GCN1: variants seen among roughly 807,000 people sequenced by gnomAD.
GCN1 encodes the protein stalled ribosome sensor GCN1.
A neutral mutation model predicts 288.4 loss-of-function variants in GCN1; 90 were observed. That is an observed-to-expected ratio of 0.31 (90% CI 0.26 to 0.37). The LOEUF (loss-of-function observed/expected upper bound fraction) is 0.37. GCN1 is among the 10% of genes least tolerant of loss of function. The probability of loss-of-function intolerance (pLI) is 1.00; values close to 1 mark genes in which losing one functional copy is unlikely to be tolerated. For synonymous variants in GCN1, 1,386 were observed against 1,420.2 expected (o/e 0.98, Z 0.54); for missense variants, 2,586 against 3,419.9 (o/e 0.76, Z 6.08).
In GCN1 at chr12:120,156,917, A is replaced by G. The variant is rs753735705; in HGVS notation, c.3163T>C (p.Leu1055=). 2.0e-5 allele frequency: 32 copies of G among 1,607,220 alleles called. No individual in the cohort carries two copies. The highest frequency in any genetic ancestry group is 2.6e-5 in the Non-Finnish European group (30 of 1,173,928). The change falls in exon 27 of 58, where the codon TTA becomes CTA. Residue 1055 remains leucine (L), a synonymous_variant. Coordinates refer to ENST00000300648, the MANE Select transcript of GCN1 (RefSeq NM_006836.2). The surrounding 1 kb of genome is among the most constrained non-coding windows in gnomAD (Gnocchi z 5.8). ...CCAACTGAAAACCACATCACCTGTA[A>G]GCGAGGCGAGCCCGTCCCGATCACC... The part of the protein sequence containing the change: ...TWVIGTGSPR[L]QVLASDTLTT...
chr12:120,151,519 G>A (rs1594269399), intron 33 of GCN1, 128 bp from the exon 34 acceptor site: 9 of 890,688 alleles, frequency 1.0e-5, no homozygotes, highest in Non-Finnish European at 1.5e-5. Context: ...CACTGCCTGC[G>A]GATGTCACAG....
Position 120,137,857 on chromosome 12 carries a change from G to A in GCN1, c.6394-43C>T, listed in dbSNP as rs192176630. On this transcript the variant is annotated intron_variant, in intron 48 of 57. Transcript: ENST00000300648. This position sits in a 1 kb window ranked among gnomAD's most constrained non-coding sequence, Gnocchi z 5.2. ...CATGTGTGCTGAGCAGGGATCCTCC[G>A]GGCAGACGGGACATGAGAAAGCAGG... is the stretch of plus-strand genomic sequence containing the variant. The A allele has an allele frequency of 2.4e-5, 39 of 1,612,744 alleles. 1 individual carries two copies. The Middle Eastern group carries it at 5.0e-4, about 20-fold the overall frequency.
Position 120,137,182 on chromosome 12 carries a change from C to T in GCN1, c.6777+24G>A, listed in dbSNP as rs754011485. 1.6e-5 allele frequency: 25 copies of T among 1,538,752 alleles called. No homozygotes were observed. The East Asian group carries it at 4.7e-4, about 29-fold the overall frequency. On this transcript the variant is annotated intron_variant, in intron 50 of 57. Transcript: ENST00000300648. This position sits in a 1 kb window ranked among gnomAD's most constrained non-coding sequence, Gnocchi z 5.2. ...GCACAACAGACTGCACGCCCACAGC[C>T]CCCTGCACGAGGCCCTGGCTTACCT...
Position 120,138,764 on chromosome 12 carries a change from GA to G in GCN1, c.6086del (p.Phe2029SerfsTer21). 2 of 1,614,196 alleles carry G rather than the reference GA, an allele frequency of 1.2e-6. No homozygotes were observed. Among genetic ancestry groups the G allele is most frequent in the Non-Finnish European group, 1.7e-6 (2 of 1,179,982 alleles). On this transcript the variant is annotated frameshift_variant, in exon 46 of 58. Coordinates refer to ENST00000300648, the MANE Select transcript of GCN1 (RefSeq NM_006836.2). LOFTEE classifies it high-confidence loss of function. Reference protein sequence around the residue: ...EEVREAAAKTFEQLHSTIGHQ... With the variant: ...EEVREAAAKTXEQLHSTIGHQ... The stretch of plus-strand genomic sequence containing the variant: ...GGCCGATGGTGGAATGCAGCTGCTC[GA>G]AAGTCTTGGCTGCCGCCTCTCTGAC...
chr12:120,131,022 A>C (rs1876800521), intron 55 of GCN1, among the ~76,000 whole-genome samples, 163 bp downstream of exon 55: 1 of 152,200 alleles, frequency 6.6e-6, no homozygotes, highest in South Asian at 2.1e-4. Flanking sequence ...ACTGGGGCCC[A>C]AAGGGATCAA....
Position 120,170,295 on chromosome 12 carries a change from A to C in GCN1, c.1393T>G (p.Leu465Val), listed in dbSNP as rs777739752. The change falls in exon 15 of 58, where the codon TTA becomes GTA. Residue 465 changes from leucine (L) to valine (V), a missense_variant. Leu to Val is a conservative substitution (Grantham distance 32, BLOSUM62 1). Transcript: ENST00000300648. Reference sequence around the variant, plus strand: ...ACTGTCTGGATGAGCAAGGGCAGTAAGTCCAGGGCCTGCAACAGCGTGTCA... The same window carrying C: ...ACTGTCTGGATGAGCAAGGGCAGTACGTCCAGGGCCTGCAACAGCGTGTCA... ...RGDTLLQALD[L>V]LPLLIQTVEK... 3.1e-6 allele frequency: 5 copies of C among 1,614,182 alleles called. No individual in the cohort carries two copies. Among genetic ancestry groups the C allele is most frequent in the African/African-American group, 1.3e-5 (1 of 75,056 alleles).
chr12:120,146,585 AT>A (rs1877370611), intron 38 of GCN1, among the ~76,000 whole-genome samples: 1 of 136,854 alleles, frequency 7.3e-6, no homozygotes, highest in African/African-American at 3.2e-5. Flanking sequence ...TAACTTTTAT[AT>A]ATTTTTTTTG....
Position 120,183,575 on chromosome 12 carries a change from G to T in GCN1, c.420C>A (p.Asn140Lys). The change falls in exon 5 of 58, where the codon AAC (asparagine) becomes AAA (lysine). Residue 140 changes from asparagine (N) to lysine (K), a missense_variant. Transcript: ENST00000300648. ...AGAGACACAGGGAACCTACCAGTTT[G>T]TTCCAGATGTCTCCTTGTCGCTTGG... is the stretch of plus-strand genomic sequence containing the variant. ...SRAKRQGDIW[N>K]KLVEVQCLLL... 5 of 1,596,066 alleles carry T rather than the reference G, an allele frequency of 3.1e-6. No homozygotes were observed. The highest frequency in any genetic ancestry group is 4.3e-6 in the Non-Finnish European group (5 of 1,163,492).
At chr12:120,152,022 T>G (rs1877571394) in intron 33 of GCN1, among the ~76,000 whole-genome samples, 1 of 143,876 alleles carries the variant, frequency 7.0e-6, no homozygotes. Context: ...GGTAAAGTTT[T>G]TTGTTGTTTT....
chr12:120,128,821 G>A (rs1876706540), intron 57 of GCN1, among the ~76,000 whole-genome samples: 1 of 150,888 alleles, frequency 6.6e-6, no homozygotes, highest in South Asian at 2.1e-4. Flanking sequence ...TCAGGTACTG[G>A]GCCAGTCACC....
At position 120,153,687 on chromosome 12, in the gene GCN1, A is replaced by G; in HGVS notation, c.3867+57T>C. ...TAGCGCCTGCCTCCCGTGTCTCCTT[A>G]GCGGGCTGGGACCCCCTTACCTTCC... On this transcript the variant is annotated intron_variant, in intron 32 of 57. Coordinates refer to ENST00000300648, the MANE Select transcript of GCN1 (RefSeq NM_006836.2). The surrounding 1 kb of genome is among the most constrained non-coding windows in gnomAD (Gnocchi z 4.4). 6.5e-7 allele frequency: 1 copy of G among 1,530,816 alleles called. No individual in the cohort carries two copies. The highest frequency in any genetic ancestry group is 9.0e-7 in the Non-Finnish European group (1 of 1,112,652). 94.8% of individuals were successfully genotyped at this position (1,530,816 alleles called of 1,614,324 possible). A position where few individuals can be genotyped will look rare whatever the true frequency, so the allele number is the denominator to read the frequency against.
At chr12:120,194,092 T>G (rs1594294689) in intron 1 of GCN1, among the ~76,000 whole-genome samples, 1 of 152,190 alleles carries the variant, frequency 6.6e-6, no homozygotes, top group Admixed American at 6.5e-5. Context: ...CCAACATATA[T>G]CAAGCCGTAT....
At chr12:120,157,036 G>A (rs966653798) in intron 26 of GCN1, 44 bp from the exon 27 acceptor site, 2 of 1,382,040 alleles carry the variant, frequency 1.4e-6, no homozygotes, top group African/African-American at 2.8e-5. Flanking sequence ...CTGTGGGGAG[G>A]TCTGTAACCC....
At chr12:120,138,113 C>T (rs1016201926) in intron 47 of GCN1, 69 bp from the exon 48 acceptor site, 90 of 1,457,732 alleles carry the variant, frequency 6.2e-5, no homozygotes, top group Non-Finnish European at 7.2e-5. Context: ...TGGGAACAGA[C>T]GGGTGGGCAA....
chr12:120,184,279 G>T, intron 3 of GCN1, 36 bp from the exon 4 acceptor site: 2 of 1,590,992 alleles, frequency 1.3e-6, no homozygotes, highest in East Asian at 2.2e-5. Context: ...TGAACATGCA[G>T]ACCTCAGGCA....
rs745892076 is a variant in GCN1 at position 120,142,586 on chromosome 12, C to T, written c.5750G>A (p.Arg1917His). Residue 1917 changes from arginine (R) to histidine (H), a missense_variant, in exon 44 of 58, where the codon CGC becomes CAC. Physicochemically the swap from Arg to His is conservative, Grantham distance 29 (BLOSUM62 0). This residue lies in a region of GCN1 where 437 missense variants were observed against 570.5 expected (regional missense o/e 0.77). Transcript: ENST00000300648. This position sits in a 1 kb window ranked among gnomAD's most constrained non-coding sequence, Gnocchi z 4.9. ...AGTGGGTAGGATCTCACGCAAGGTG[C>T]GGGGGGTATTGGAGACAACAATCTT... ...VWKIVVSNTP[R>H]TLREILPTLF... 5 of 1,613,872 alleles carry T rather than the reference C, an allele frequency of 3.1e-6. No homozygotes were observed. In the East Asian group the frequency reaches 6.7e-5, roughly 22 times the overall value.
At chr12:120,129,981 C>T (rs755962930) in intron 56 of GCN1, among the ~76,000 whole-genome samples, 2 of 152,220 alleles carry the variant, frequency 1.3e-5, no homozygotes, top group Non-Finnish European at 2.9e-5. Context: ...ACAGACGAGG[C>T]TCAATCGAAT....
Position 120,127,551 on chromosome 12 carries a change from G to A in GCN1, c.*298C>T. The A allele has an allele frequency of 3.3e-6, 1 of 304,420 alleles. No individual in the cohort carries two copies. Among genetic ancestry groups the A allele is most frequent in the Non-Finnish European group, 6.3e-6 (1 of 157,764 alleles). 18.9% of individuals were successfully genotyped at this position (304,420 alleles called of 1,614,324 possible). On this transcript the variant is annotated 3_prime_UTR_variant, in exon 58 of 58. Transcript: ENST00000300648. ...GAAGAGGAACCCACAGTCTGACCCT[G>A]CTATTATAGTTCCAGACCTAGCCAT...
chr12:120,181,839 C>CAAAAA (rs1253486479), intron 5 of GCN1, among the ~76,000 whole-genome samples: 6 of 59,962 alleles, frequency 1.0e-4, no homozygotes, highest in African/African-American at 2.4e-4. Flanking sequence ...AACTCCGTCT[C>CAAAAA]AAAAAAAAAA....
Sources: gnomAD v4.1 joint callset for allele counts (sites outside exome capture counted in the v4.1 genomes callset) on GRCh38, gnomAD v4.1.1 for gene constraint, gnomAD v4.1.1 regional missense constraint, Gnocchi (gnomAD v3.1) non-coding constraint, MANE v1.5 for transcripts, NCBI Gene and HGNC (gene_info 2026-07-23, HGNC 2026-07-21) for gene names.